Variants in PRKCZ observed in about 807,000 individuals in gnomAD.
PRKCZ encodes the protein protein kinase C zeta type.
A neutral mutation model predicts 79.5 loss-of-function variants in PRKCZ; 33 were observed. The observed-to-expected ratio is 0.41, with a 90% CI of 0.31 to 0.55. The LOEUF is 0.55. PRKCZ is among the 20% of genes least tolerant of loss of function. PRKCZ has a pLI of 0.19. For missense variants in PRKCZ, 578 were observed against 813.5 expected, an observed-to-expected ratio of 0.71 and a Z score of 3.52; for synonymous variants, 342 against 320.9, an observed-to-expected ratio of 1.07 and a Z score of -0.70.
intron 4 of PRKCZ, among the ~76,000 whole-genome samples, chr1:2,070,389 C>T (rs1050550933): frequency 3.1e-4 from 47 of 152,332 alleles, no homozygotes; most frequent in African/African-American, 1.1e-3. Flanking sequence ...TGGGACCCTC[C>T]CGAGCCTCAC....
intron 4 of PRKCZ, chr1:2,074,020 C>T: frequency 7.0e-7 from 1 of 1,433,728 alleles, no homozygotes; most frequent in Non-Finnish European, 9.1e-7. Context: ...AGGACGGTGC[C>T]CGAGTCAGCA....
chr1:2,152,851 C>T (rs568198168), intron 9 of PRKCZ, among the ~76,000 whole-genome samples: 13 of 152,372 alleles, frequency 8.5e-5, no homozygotes, highest in African/African-American at 3.1e-4. Flanking sequence ...GGTAATGTTC[C>T]GTTGTCCAGT....
chr1:2,084,719 G>T (rs113748579), intron 4 of PRKCZ, among the ~76,000 whole-genome samples: 4,934 of 152,214 alleles, frequency 0.032, 271 homozygotes, highest in African/African-American at 0.11. Context: ...TCAGATGTGG[G>T]GTCAGCTGGG....
chr1:2,051,414 G>A (rs1659639583), intron 1 of PRKCZ, among the ~76,000 whole-genome samples: 2 of 152,222 alleles, frequency 1.3e-5, no homozygotes. Flanking sequence ...CGGAGGGGTC[G>A]CTGCCCCCCG....
At chr1:2,159,436 G>C (rs1261865782) in intron 10 of PRKCZ, among the ~76,000 whole-genome samples, 2 of 152,354 alleles carry the variant, frequency 1.3e-5, no homozygotes, top group South Asian at 4.1e-4. Flanking sequence ...AGGGCCAGGT[G>C]AATAACACGC....
chr1:2,122,027 A>G (rs866010562), intron 4 of PRKCZ, among the ~76,000 whole-genome samples: 3 of 996 alleles, frequency 3.0e-3, no homozygotes, highest in Non-Finnish European at 2.6e-3. Flanking sequence ...GGGTCGTGGT[A>G]GTTAGGTTCA....
intron 10 of PRKCZ, among the ~76,000 whole-genome samples, chr1:2,167,053 T>C (rs1296387557): frequency 3.3e-5 from 5 of 152,280 alleles, no homozygotes; most frequent in Non-Finnish European, 7.3e-5. Context: ...CAGATTGTCC[T>C]GGTGGGTTTT....
intron 9 of PRKCZ, among the ~76,000 whole-genome samples, chr1:2,153,588 G>A (rs1024024856): frequency 6.6e-6 from 1 of 152,238 alleles, no homozygotes; most frequent in Non-Finnish European, 1.5e-5. Flanking sequence ...GAGGAACAGA[G>A]GCCCCAAGAG....
intron 10 of PRKCZ, among the ~76,000 whole-genome samples, chr1:2,157,731 T>TA (rs397756484): frequency 1.3e-4 from 19 of 149,876 alleles, no homozygotes; most frequent in South Asian, 2.1e-4. Context: ...TTTTTTTTTT[T>TA]AAATAAAGAT....
chr1:2,150,931 A>G lies in PRKCZ; in HGVS notation c.829A>G (p.Ile277Val), dbSNP rs200304104. The change falls in exon 9 of 18, where the codon ATT becomes GTT. Residue 277 changes from isoleucine to valine, a missense_variant. Physicochemically the swap from Ile to Val is conservative, Grantham distance 29. Around this residue, in one of 4 missense-constraint regions of PRKCZ, gnomAD observed 243 missense variants for 467.0 expected, o/e 0.52. Transcript: ENST00000378567. ...GGTGCGGTTGAAGAAGAATGACCAA[A>G]TTTACGCCATGAAAGTGGTGAAGAA... ...LLVRLKKNDQ[I>V]YAMKVVKKEL... 1 of 1,614,094 alleles carries G rather than the reference A, an allele frequency of 6.2e-7. No individual in the cohort carries two copies. Among genetic ancestry groups the G allele is most frequent in the East Asian group, 2.2e-5 (1 of 44,890 alleles).
Position 2,127,981 on chromosome 1 carries a change from TGGGGA to T in PRKCZ, c.335-7280_335-7276del, listed in dbSNP as rs1674274954. 6.6e-6 allele frequency among the ~76,000 whole-genome samples: 1 copy of T among 152,222 alleles called. No individual in the cohort carries two copies. The highest frequency in any genetic ancestry group is 6.5e-5 in the Admixed American group (1 of 15,282). On this transcript the variant is annotated intron_variant, in intron 4 of 17. Coordinates refer to ENST00000378567, the MANE Select transcript of PRKCZ (RefSeq NM_002744.6). The surrounding 1 kb of genome is among the most constrained non-coding windows in gnomAD (Gnocchi z 5.1). ...GACATGCTGGCAGCTAACTGGGTGC[TGGGGA>T]AGCCTGGAGAGGAAGCCAGGTGGCC... is the stretch of plus-strand genomic sequence containing the variant.
chr1:2,081,383 G>A (rs1663483683), intron 4 of PRKCZ, among the ~76,000 whole-genome samples: 1 of 152,190 alleles, frequency 6.6e-6, no homozygotes, highest in East Asian at 1.9e-4. Flanking sequence ...ACGGGTCTCT[G>A]GCAGGAGGGG....
intron 10 of PRKCZ, among the ~76,000 whole-genome samples, chr1:2,161,236 G>A (rs531598212): frequency 2.0e-5 from 3 of 152,358 alleles, no homozygotes; most frequent in African/African-American, 7.2e-5. Context: ...TTTTCATCGG[G>A]GTTGCCTAAA....
chr1:2,146,730 G>GGGAGACCACAGAACATAAAGCACTTA (rs1678613367), intron 7 of PRKCZ, among the ~76,000 whole-genome samples: 1 of 152,110 alleles, frequency 6.6e-6, no homozygotes, highest in Non-Finnish European at 1.5e-5. Context: ...CTGTCTCATT[G>GGGAGACCACAGAACATAAAGCACTTA]GGAGACCACA....
At chr1:2,116,677 T>G (rs945212393) in intron 4 of PRKCZ, among the ~76,000 whole-genome samples, 1 of 152,208 alleles carries the variant, frequency 6.6e-6, no homozygotes, top group Non-Finnish European at 1.5e-5. Flanking sequence ...TCTGATTTCT[T>G]CTGCTTTATA....
At chr1:2,087,406 C>A (rs547749110) in intron 4 of PRKCZ, among the ~76,000 whole-genome samples, 3 of 152,026 alleles carry the variant, frequency 2.0e-5, no homozygotes, top group East Asian at 1.9e-4. Context: ...ATTTTACTTA[C>A]CTTTGGGTGG....
At chr1:2,052,521 C>T (rs1187310711) in intron 1 of PRKCZ, among the ~76,000 whole-genome samples, 2 of 151,892 alleles carry the variant, frequency 1.3e-5, no homozygotes. Context: ...ACCTTCCTCC[C>T]CCTTCTAGGG....
At chr1:2,102,491 T>A (rs973078580) in intron 4 of PRKCZ, among the ~76,000 whole-genome samples, 1 of 150,660 alleles carries the variant, frequency 6.6e-6, no homozygotes, top group Admixed American at 6.6e-5. Context: ...CACCACCACG[T>A]CCCGCTAATT....
At chr1:2,103,747 A>G (rs1455748979) in intron 4 of PRKCZ, among the ~76,000 whole-genome samples, 1 of 152,196 alleles carries the variant, frequency 6.6e-6, no homozygotes, top group African/African-American at 2.4e-5. Flanking sequence ...TAGAAGGGAA[A>G]ACAGGGATAG....
Sources: gnomAD v4.1 joint callset for allele counts (sites outside exome capture counted in the v4.1 genomes callset) on GRCh38, gnomAD v4.1.1 for gene constraint, gnomAD v4.1.1 regional missense constraint, Gnocchi (gnomAD v3.1) non-coding constraint, MANE v1.5 for transcripts, NCBI Gene and HGNC (gene_info 2026-07-23, HGNC 2026-07-21) for gene names.